Variants in ZBTB25 observed in about 807,000 individuals in gnomAD.
The protein encoded by ZBTB25 is zinc finger and BTB domain containing 25.
Under a neutral mutation model 34.2 loss-of-function variants are expected in ZBTB25, and 20 were observed. The observed-to-expected ratio is 0.58, with a 90% CI of 0.41 to 0.85. ZBTB25 has a LOEUF of 0.85. Among genes scored for constraint, ZBTB25 ranks in the 40% least tolerant of loss-of-function variants. The probability of loss-of-function intolerance (pLI) is 0.00; values close to 1 mark genes in which losing one functional copy is unlikely to be tolerated. For synonymous variants in ZBTB25, 175 were observed against 186.4 expected, an observed-to-expected ratio of 0.94 and a Z score of 0.50; for missense variants, 437 against 521.8, an observed-to-expected ratio of 0.84 and a Z score of 1.58.
At chr14:64,456,967 T>C (rs751370473) in intron 2 of ZBTB25, among the ~76,000 whole-genome samples, 1 of 152,204 alleles carries the variant, frequency 6.6e-6, no homozygotes, top group Non-Finnish European at 1.5e-5. Context: ...CAGATAAAAA[T>C]ATACGGAGTT....
In ZBTB25 at chr14:64,449,729, G is replaced by A. The variant is rs144964585; in HGVS notation, c.174-91C>T. On this transcript the variant is annotated intron_variant, in intron 2 of 2. Transcript: ENST00000555220. Reference sequence around the variant, plus strand: ...CCCCATGCTTCGCAGCTTCAGCCTTGCGGTTTGATTCCCACGTAGGTGACT... The same window carrying A: ...CCCCATGCTTCGCAGCTTCAGCCTTACGGTTTGATTCCCACGTAGGTGACT... 586 of 1,349,062 alleles carry A rather than the reference G, an allele frequency of 4.3e-4. 4 individuals carry two copies. In the African/African-American group the frequency reaches 7.6e-3, roughly 18 times the overall value. 83.6% of individuals were successfully genotyped at this position (1,349,062 alleles called of 1,614,324 possible).
At chr14:64,455,113 A>G (rs1333589564) in intron 2 of ZBTB25, 2 of 510,052 alleles carry the variant, frequency 3.9e-6, no homozygotes, top group Non-Finnish European at 3.6e-6. Flanking sequence ...TACTGAATAA[A>G]AAATTCTGTT....
At chr14:64,493,792 T>C (rs1275872433) in intron 1 of ZBTB25, among the ~76,000 whole-genome samples, 1 of 151,330 alleles carries the variant, frequency 6.6e-6, no homozygotes, top group Non-Finnish European at 1.5e-5. Context: ...TCCCAGAACA[T>C]TAGAGAAGAA....
At chr14:64,452,344 A>G (rs1162751535) in intron 2 of ZBTB25, among the ~76,000 whole-genome samples, 1 of 152,204 alleles carries the variant, frequency 6.6e-6, no homozygotes, top group Non-Finnish European at 1.5e-5. Flanking sequence ...TAGTTGCTAT[A>G]AAGACAGATA....
At chr14:64,498,220 CCTT>C (rs1015009648) in intron 1 of ZBTB25, among the ~76,000 whole-genome samples, 3 of 152,098 alleles carry the variant, frequency 2.0e-5, no homozygotes, top group African/African-American at 7.2e-5. Flanking sequence ...TACTGTAAAA[CCTT>C]CTATGCAGAG....
chr14:64,476,574 G>A (rs2078721587), downstream of ZBTB25, among the ~76,000 whole-genome samples: 1 of 152,148 alleles, frequency 6.6e-6, no homozygotes, highest in Non-Finnish European at 1.5e-5. Context: ...ACCTGCCTCA[G>A]CCTCCCAAAG....
At position 64,503,706 on chromosome 14, in the gene ZBTB25, G is replaced by T; in HGVS notation, c.-53C>A. Reference sequence around the variant, plus strand: ...AGGCCGACTCCTCCGTGCAGGAGGGGCGGGCTCCCAAGCCGCGCACTGCAA... The same window carrying T: ...AGGCCGACTCCTCCGTGCAGGAGGGTCGGGCTCCCAAGCCGCGCACTGCAA... On this transcript the variant is annotated 5_prime_UTR_variant, in exon 1 of 3. Coordinates refer to ENST00000608382, the MANE Select transcript of ZBTB25 (RefSeq NM_006977.5). 1 of 734,336 alleles carries T rather than the reference G, an allele frequency of 1.4e-6. No homozygotes were observed. Among genetic ancestry groups the T allele is most frequent in the South Asian group, 6.1e-5 (1 of 16,296 alleles). The allele number at this position is 734,336 out of a possible 1,614,324, so 45.5% of individuals were successfully genotyped here.
chr14:64,483,940 C>CAAAAAAAA lies in ZBTB25; in HGVS notation c.*2975_*2982dup, dbSNP rs71444659. 1 of 29,274 alleles carries CAAAAAAAA rather than the reference C, an allele frequency of 3.4e-5. No individual in the cohort carries two copies. 1.8% of individuals were successfully genotyped at this position (29,274 alleles called of 1,614,324 possible). A position where few individuals can be genotyped will look rare whatever the true frequency, so the allele number is the denominator to read the frequency against. Reference sequence around the variant, plus strand: ...GCCTGGCGACACAGCACGACTGTCTCAAAAAAAAAAAAAAAAAAAAAAAAA... The same window carrying CAAAAAAAA: ...GCCTGGCGACACAGCACGACTGTCTCAAAAAAAAAAAAAAAAAAAAAAAAAAAAAAAAA... On this transcript the variant is annotated 3_prime_UTR_variant, in exon 3 of 3. Transcript: ENST00000608382.
At chr14:64,503,500 T>C (rs2079567989) in intron 1 of ZBTB25, 161 bp downstream of exon 1, 1 of 985,416 alleles carries the variant, frequency 1.0e-6, no homozygotes, top group South Asian at 4.7e-5. Context: ...ATTTTCCTCC[T>C]GTGCCCTGCC....
chr14:64,492,640 A>T (rs987337926), intron 1 of ZBTB25, among the ~76,000 whole-genome samples: 1 of 151,916 alleles, frequency 6.6e-6, no homozygotes, highest in African/African-American at 2.4e-5. Context: ...GATCATAAAC[A>T]TTTTCACCAG....
At chr14:64,505,196 A>G (rs2079627596), upstream of ZBTB25, 1 of 318,340 alleles carries the variant, frequency 3.1e-6, no homozygotes. Context: ...ACTAGTTCCC[A>G]AATTAGTTAC....
At chr14:64,494,213 G>A (rs760562726) in intron 1 of ZBTB25, among the ~76,000 whole-genome samples, 1 of 152,210 alleles carries the variant, frequency 6.6e-6, no homozygotes, top group Non-Finnish European at 1.5e-5. Flanking sequence ...AAACACTGAA[G>A]AGAAACATGG....
chr14:64,504,813 C>A, upstream of ZBTB25: 1 of 388,790 alleles, frequency 2.6e-6, no homozygotes, highest in African/African-American at 2.1e-5. Context: ...CTCCGCGCAG[C>A]CCAGCCCGAG....
intron 2 of ZBTB25, among the ~76,000 whole-genome samples, chr14:64,465,239 C>A (rs1882671272): frequency 6.6e-6 from 1 of 151,816 alleles, no homozygotes; most frequent in South Asian, 2.1e-4. Context: ...GCCCCCCGAA[C>A]CTTCCGGCTG....
Position 64,469,755 on chromosome 14 carries a change from A to G in ZBTB25, c.174-20117T>C. The G allele has an allele frequency of 5.6e-6, 6 of 1,068,526 alleles. No homozygotes were observed. In the South Asian group the frequency reaches 8.6e-5, roughly 15 times the overall value. 66.2% of individuals were successfully genotyped at this position (1,068,526 alleles called of 1,614,324 possible). On this transcript the variant is annotated intron_variant, in intron 2 of 2. Coordinates refer to the ZBTB25 transcript ENST00000555220. The stretch of plus-strand genomic sequence containing the variant: ...TATACATTTGTGGCATTTCTTACTC[A>G]GTAACAAATGAGAGATTTATCATCT...
At chr14:64,476,239 C>T (rs577181534), downstream of ZBTB25, among the ~76,000 whole-genome samples, 20 of 152,342 alleles carry the variant, frequency 1.3e-4, no homozygotes, top group Admixed American at 6.5e-5. Flanking sequence ...TAAATTACAA[C>T]GCAAAGGTTC....
intron 2 of ZBTB25, among the ~76,000 whole-genome samples, chr14:64,488,850 G>C (rs906160466): frequency 2.0e-5 from 3 of 152,264 alleles, no homozygotes; most frequent in East Asian, 1.9e-4. Flanking sequence ...ACAACATTGC[G>C]AATGTGATTA....
chr14:64,504,836 C>T (rs2079614832), upstream of ZBTB25: 2 of 393,570 alleles, frequency 5.1e-6, no homozygotes, highest in Non-Finnish European at 9.0e-6. Context: ...CCGAGCGCCG[C>T]GCGCCGCCGC....
intron 1 of ZBTB25, among the ~76,000 whole-genome samples, chr14:64,496,534 G>A (rs79885046): frequency 0.015 from 2,264 of 151,888 alleles, 47 homozygotes; most frequent in African/African-American, 0.05. Context: ...TGTTTATATA[G>A]GTTATATTTA....
Sources: gnomAD v4.1 joint callset for allele counts (sites outside exome capture counted in the v4.1 genomes callset) on GRCh38, gnomAD v4.1.1 for gene constraint, MANE v1.5 for transcripts, NCBI Gene and HGNC (gene_info 2026-07-23, HGNC 2026-07-21) for gene names.